The following MYO1H variants were observed in gnomAD, a reference collection of about 807,000 sequenced individuals.
The protein encoded by MYO1H is myosin IH.
MYO1H carries 118 observed loss-of-function variants against 149.3 expected under a neutral mutation model. That is an observed-to-expected ratio of 0.79 (90% confidence interval 0.68 to 0.92). The LOEUF is 0.92. Ranked by LOEUF, MYO1H falls within the 40% of genes least tolerant of loss-of-function variation. The pLI, the probability that MYO1H is intolerant of heterozygous loss-of-function variation, is 0.00. For synonymous variants in MYO1H, 447 were observed against 465.2 expected (o/e 0.96, Z 0.50); for missense variants, 1,212 against 1,280.7 (o/e 0.95, Z 0.82).
intron 18 of MYO1H, among the ~76,000 whole-genome samples, chr12:109,426,442 A>G (rs745381700): frequency 1.3e-5 from 2 of 152,090 alleles, no homozygotes; most frequent in South Asian, 2.1e-4. Flanking sequence ...GGGAGGATCA[A>G]TTGATCCCAG....
At chr12:109,443,694 A>G (rs780807328) in intron 28 of MYO1H, 45 bp downstream of exon 28, 1 of 1,606,224 alleles carries the variant, frequency 6.2e-7, no homozygotes, top group Non-Finnish European at 8.5e-7. Flanking sequence ...AGTTGACTCA[A>G]CTACTGGAAA....
chr12:109,329,862 A>G, the MYO1H span, among the ~76,000 whole-genome samples: 1 of 152,200 alleles, frequency 6.6e-6, no homozygotes, highest in Non-Finnish European at 1.5e-5. Flanking sequence ...ATTTGTTCCT[A>G]GAATTCCACG....
At chr12:109,443,479 C>G in intron 27 of MYO1H, 35 bp from the exon 28 acceptor site, 1 of 1,606,442 alleles carries the variant, frequency 6.2e-7, no homozygotes, top group Non-Finnish European at 8.5e-7. Context: ...GTACTCTGCC[C>G]CACCTTCCCT....
At position 109,436,509 on chromosome 12, in the gene MYO1H, AC is replaced by A; in HGVS notation, c.2163del (p.Tyr721Ter). ...TAAGTTGCAAGAATCCAAGCCACTTACAAACGCTGCCTAGGAAGGAGAGAAT... is the reference window on the plus strand; with the variant it reads ...TAAGTTGCAAGAATCCAAGCCACTTAAAACGCTGCCTAGGAAGGAGAGAAT... On this transcript the variant is annotated frameshift_variant, in exon 22 of 32. Coordinates refer to ENST00000310903, the Ensembl canonical transcript of MYO1H. LOFTEE classifies it high-confidence loss of function. The A allele has an allele frequency of 1.2e-6, 2 of 1,611,576 alleles. No homozygotes were observed. The highest frequency in any genetic ancestry group is 1.7e-6 in the Non-Finnish European group (2 of 1,178,854).
At chr12:109,427,177 A>G (rs562513369) in intron 18 of MYO1H, among the ~76,000 whole-genome samples, 66 of 152,118 alleles carry the variant, frequency 4.3e-4, no homozygotes, top group Admixed American at 1.6e-3. Context: ...TTAGCCAGGC[A>G]TGGTGGTGTG....
At chr12:109,348,670 C>A (rs1229051096) in intron 1 of MYO1H, among the ~76,000 whole-genome samples, 1 of 152,178 alleles carries the variant, frequency 6.6e-6, no homozygotes, top group Non-Finnish European at 1.5e-5. Context: ...AGTGTCAAAC[C>A]TATTGCCTCT....
chr12:109,330,772 G>A, the MYO1H span, among the ~76,000 whole-genome samples: 3 of 152,100 alleles, frequency 2.0e-5, no homozygotes, highest in African/African-American at 4.8e-5. Flanking sequence ...AGTTCAAAGT[G>A]AAATTGCATT....
exon 32 of MYO1H, chr12:109,447,902 A>G (rs1566047564): frequency 6.6e-6 from 1 of 152,496 alleles, no homozygotes; most frequent in Non-Finnish European, 1.5e-5. Context: ...ATGTATATAA[A>G]GCATATGAGC....
the MYO1H span, among the ~76,000 whole-genome samples, chr12:109,321,868 GAA>G: frequency 6.6e-6 from 1 of 152,120 alleles, no homozygotes; most frequent in African/African-American, 2.4e-5. Flanking sequence ...AACCATTCCA[GAA>G]AAGAGTTTTG....
chr12:109,345,610 A>G (rs1344137021), upstream of MYO1H, among the ~76,000 whole-genome samples: 2 of 152,214 alleles, frequency 1.3e-5, no homozygotes, highest in African/African-American at 2.4e-5. Flanking sequence ...ACTCCTAGGT[A>G]TATACCCAAG....
chr12:109,349,712 G>A (rs1196222665), intron 1 of MYO1H, among the ~76,000 whole-genome samples: 1 of 149,924 alleles, frequency 6.7e-6, no homozygotes. Context: ...TGTAATCCCA[G>A]CACTTTGGGA....
intron 16 of MYO1H, among the ~76,000 whole-genome samples, chr12:109,422,372 C>T (rs1871208704): frequency 6.6e-6 from 1 of 152,162 alleles, no homozygotes; most frequent in Non-Finnish European, 1.5e-5. Flanking sequence ...ATCCACCAGA[C>T]AGTCGCTCTC....
exon 27 of MYO1H, chr12:109,442,226 A>T: frequency 6.2e-7 from 1 of 1,613,828 alleles, no homozygotes; most frequent in Non-Finnish European, 8.5e-7. Flanking sequence ...GATGAAGGAG[A>T]CATTAATCCG....
At chr12:109,355,395 C>T (rs1219963340) in intron 1 of MYO1H, among the ~76,000 whole-genome samples, 1 of 152,140 alleles carries the variant, frequency 6.6e-6, no homozygotes, top group Non-Finnish European at 1.5e-5. Context: ...CCTCAGGGAA[C>T]TTGTTGAAAT....
chr12:109,419,991 A>G (rs950734325), intron 15 of MYO1H, among the ~76,000 whole-genome samples: 16 of 152,144 alleles, frequency 1.1e-4, no homozygotes, highest in African/African-American at 3.1e-4. Context: ...TGGAAATGAC[A>G]TGTCTGTCTT....
At chr12:109,358,140 G>C (rs1285602669) in intron 1 of MYO1H, among the ~76,000 whole-genome samples, 1 of 151,380 alleles carries the variant, frequency 6.6e-6, no homozygotes, top group Non-Finnish European at 1.5e-5. Context: ...GGTTTGGCTC[G>C]ATGACCAGAG....
rs111708962 is a variant in MYO1H, at chr12:109,362,009, C to T, written c.12+14037C>T. 2.4e-3 allele frequency among the ~76,000 whole-genome samples: 366 copies of T among 152,220 alleles called. 1 individual carries two copies. Among genetic ancestry groups the T allele is most frequent in the African/African-American group, 8.4e-3 (348 of 41,532 alleles). On this transcript the variant is annotated intron_variant, in intron 1 of 31. Coordinates refer to ENST00000310903, the Ensembl canonical transcript of MYO1H. Reference sequence around the variant, plus strand: ...CAGGGCAAAAATCACAAGTGAATCACGCAGCCATGGGAGTCATTAATAATT... The same window carrying T: ...CAGGGCAAAAATCACAAGTGAATCATGCAGCCATGGGAGTCATTAATAATT...
chr12:109,440,815 G>A (rs1272777916), exon 25 of MYO1H: 1 of 1,561,482 alleles, frequency 6.4e-7, no homozygotes, highest in Non-Finnish European at 8.7e-7. Flanking sequence ...TCACAGCTGA[G>A]CGGAAAGCAA....
chr12:109,378,116 A>C (rs1445439372), intron 1 of MYO1H, among the ~76,000 whole-genome samples: 1 of 152,172 alleles, frequency 6.6e-6, no homozygotes, highest in Non-Finnish European at 1.5e-5. Flanking sequence ...ATCTATTTAA[A>C]GTGTACAGTT....
Sources: allele counts gnomAD v4.1 joint callset (sites outside exome capture counted in the v4.1 genomes callset), GRCh38; gene constraint gnomAD v4.1.1; transcripts MANE v1.5; gene names NCBI Gene and HGNC (gene_info 2026-07-23, HGNC 2026-07-21).